The following OAF variants were observed in gnomAD, a reference collection of about 807,000 sequenced individuals.
OAF encodes the protein out at first protein homolog.
In OAF, 13 loss-of-function variants were observed where a neutral mutation model predicts 22.5. That is an observed-to-expected ratio of 0.58 (90% CI 0.38 to 0.92). OAF has a LOEUF of 0.92. Among genes scored for constraint, OAF ranks in the 40% least tolerant of loss-of-function variants. The pLI, the probability that OAF is intolerant of heterozygous loss-of-function variation, is 0.00. For synonymous variants in OAF, 175 were observed against 170.5 expected (o/e 1.03, Z -0.21); for missense variants, 347 against 381.8 (o/e 0.91, Z 0.76).
At chr11:120,215,575 G>A (rs1420738152) in intron 1 of OAF, among the ~76,000 whole-genome samples, 1 of 152,134 alleles carries the variant, frequency 6.6e-6, no homozygotes, top group Non-Finnish European at 1.5e-5. Context: ...AATTCACAGC[G>A]CGCCCTTGGT....
chr11:120,216,780 C>T (rs1938218318), intron 1 of OAF, among the ~76,000 whole-genome samples: 1 of 152,210 alleles, frequency 6.6e-6, no homozygotes, highest in Non-Finnish European at 1.5e-5. Context: ...CCCTCCCAGG[C>T]TTCCCAAGGC....
intron 2 of OAF, 141 bp from the exon 3 acceptor site, chr11:120,226,674 GA>G (rs1938360534): frequency 9.1e-6 from 6 of 659,582 alleles, no homozygotes. Flanking sequence ...GCCAGTTGGA[GA>G]GGGGTGGGGC....
At chr11:120,211,887 C>T (rs112413211) in intron 1 of OAF, among the ~76,000 whole-genome samples, 1 of 140,844 alleles carries the variant, frequency 7.1e-6, no homozygotes, top group South Asian at 2.2e-4. Context: ...CCTGTGTGAT[C>T]TAGAGCAAGC....
chr11:120,213,853 C>T (rs557727035), intron 1 of OAF: 4 of 152,292 alleles, frequency 2.6e-5, no homozygotes, highest in African/African-American at 7.2e-5. Context: ...GCAGGCTTAT[C>T]GCTTGAAACC....
chr11:120,229,320 G>T lies in OAF; in HGVS notation c.*178G>T. ...TGTGAAGGGGGTGTGGCATGGCAGG[G>T]GGTCTCATGAAGGCACCCCCATTCC... On this transcript the variant is annotated 3_prime_UTR_variant, in exon 4 of 4. Coordinates refer to ENST00000328965, the MANE Select transcript of OAF (RefSeq NM_178507.4). 1.6e-6 allele frequency: 1 copy of T among 639,344 alleles called. No individual in the cohort carries two copies. Among genetic ancestry groups the T allele is most frequent in the Non-Finnish European group, 2.7e-6 (1 of 374,082 alleles). The allele number at this position is 639,344 out of a possible 1,614,324, so 39.6% of individuals were successfully genotyped here. A position where few individuals can be genotyped will look rare whatever the true frequency, so the allele number is the denominator to read the frequency against.
At chr11:120,223,539 C>T (rs1205901086) in intron 1 of OAF, among the ~76,000 whole-genome samples, 3 of 152,314 alleles carry the variant, frequency 2.0e-5, no homozygotes, top group Middle Eastern at 3.4e-3. Context: ...TCCTGCACCC[C>T]CTGTCAGTTC....
chr11:120,216,809 T>C (rs1938218620), intron 1 of OAF, among the ~76,000 whole-genome samples: 1 of 152,164 alleles, frequency 6.6e-6, no homozygotes, highest in South Asian at 2.1e-4. Flanking sequence ...GTGGTGGAGA[T>C]AAACTTAGGA....
chr11:120,215,088 G>A (rs1173302184), intron 1 of OAF, among the ~76,000 whole-genome samples: 2 of 151,948 alleles, frequency 1.3e-5, no homozygotes, highest in African/African-American at 2.4e-5. Flanking sequence ...CCCAGGTGAT[G>A]TAATCCCAGC....
chr11:120,223,530 C>G (rs1938308784), intron 1 of OAF, among the ~76,000 whole-genome samples: 1 of 152,200 alleles, frequency 6.6e-6, no homozygotes, highest in Non-Finnish European at 1.5e-5. Context: ...TCATTCCCTT[C>G]CTGCACCCCC....
chr11:120,223,185 GTTCCAGC>G (rs1384937318), intron 1 of OAF, among the ~76,000 whole-genome samples: 9 of 152,234 alleles, frequency 5.9e-5, no homozygotes, highest in African/African-American at 1.9e-4. Context: ...GTGTGCCCGA[GTTCCAGC>G]TTCTTTAGCT....
intron 1 of OAF, among the ~76,000 whole-genome samples, chr11:120,222,459 G>A (rs1374888670): frequency 2.6e-5 from 4 of 152,164 alleles, no homozygotes; most frequent in African/African-American, 9.7e-5. Flanking sequence ...CAGAGGCTGA[G>A]GCCGGAGAAT....
Position 120,211,444 on chromosome 11 carries a change from C to A in OAF, c.165C>A (p.Asp55Glu). 6.4e-7 allele frequency: 1 copy of A among 1,564,796 alleles called. No individual in the cohort carries two copies. The highest frequency in any genetic ancestry group is 8.6e-7 in the Non-Finnish European group (1 of 1,158,322). ...EESLQADSDA[D>E]SISLELRKPD... is the part of the protein sequence containing the mutation. ...GCCTGCAGGCGGACAGCGACGCGGA[C>A]AGCATCAGCCTCGAGCTGCGCAAGC... Residue 55 changes from aspartate (D) to glutamate (E), a missense_variant, in exon 1 of 4, where the codon GAC becomes GAA. Physicochemically the swap from Asp to Glu is conservative, Grantham distance 45. Transcript: ENST00000328965.
At chr11:120,220,937 G>A (rs1452707492) in intron 1 of OAF, among the ~76,000 whole-genome samples, 1 of 152,178 alleles carries the variant, frequency 6.6e-6, no homozygotes, top group Non-Finnish European at 1.5e-5. Context: ...ATGATTGGGT[G>A]GGGGCACTGG....
At chr11:120,223,646 C>T (rs1938310859) in intron 1 of OAF, among the ~76,000 whole-genome samples, 1 of 152,212 alleles carries the variant, frequency 6.6e-6, no homozygotes, top group Admixed American at 6.5e-5. Flanking sequence ...CTAGTCTGGT[C>T]TGAAAGTTCA....
Position 120,225,809 on chromosome 11 carries a change from C to G in OAF, c.366+14C>G. The G allele has an allele frequency of 6.3e-7, 1 of 1,594,506 alleles. No individual in the cohort carries two copies. The highest frequency in any genetic ancestry group is 8.5e-7 in the Non-Finnish European group (1 of 1,171,866). The stretch of plus-strand genomic sequence containing the variant: ...AAGCTCCGGCAGGTAAGTGCCCCAC[C>G]AGGCCTGCCTGGCCCAGGTCCTGAC... On this transcript the variant is annotated intron_variant, in intron 2 of 3. Transcript: ENST00000328965.
At chr11:120,224,312 C>G (rs1159697211) in intron 1 of OAF, among the ~76,000 whole-genome samples, 1 of 152,214 alleles carries the variant, frequency 6.6e-6, no homozygotes, top group Non-Finnish European at 1.5e-5. Context: ...TTGTTGCAGA[C>G]CACCTACGAT....
chr11:120,213,431 T>C (rs1389494515), intron 1 of OAF, among the ~76,000 whole-genome samples: 1 of 152,190 alleles, frequency 6.6e-6, no homozygotes, highest in African/African-American at 2.4e-5. Flanking sequence ...GGTTAGCCTC[T>C]GACCCAGAAG....
chr11:120,229,127 T>G lies in OAF; in HGVS notation c.807T>G (p.Asp269Glu), dbSNP rs1371716800. The G allele has an allele frequency of 4.3e-6, 7 of 1,612,106 alleles. No homozygotes were observed. The highest frequency in any genetic ancestry group is 5.1e-6 in the Non-Finnish European group (6 of 1,179,122). The stretch of plus-strand genomic sequence containing the variant: ...GGCAGCTGTGTCTCTGGGATGAGGA[T>G]CCCTACCCAGGCTAGGGTGGGAGCA... ...PQRQLCLWDE[D>E]PYPG The change falls in exon 4 of 4, where the codon GAT becomes GAG. Residue 269 changes from aspartate (D) to glutamate (E), a missense_variant. Physicochemically the swap from Asp to Glu is conservative, Grantham distance 45. Coordinates refer to ENST00000328965, the MANE Select transcript of OAF (RefSeq NM_178507.4).
chr11:120,228,947 C>G lies in OAF; in HGVS notation c.627C>G (p.Asp209Glu). The change falls in exon 4 of 4, where the codon GAC becomes GAG. Residue 209 changes from aspartate (D) to glutamate (E), a missense_variant. Coordinates refer to ENST00000328965, the MANE Select transcript of OAF (RefSeq NM_178507.4). ...TGCCTCGCTGCAGGCAGGTGGGGGA[C>G]CACGGGAAGCCCTGCGTCTGCCGCT... is the stretch of plus-strand genomic sequence containing the variant. ...AELPRCRQVG[D>E]HGKPCVCRYG... 2 of 1,611,192 alleles carry G rather than the reference C, an allele frequency of 1.2e-6. No homozygotes were observed. Among genetic ancestry groups the G allele is most frequent in the Non-Finnish European group, 1.7e-6 (2 of 1,179,400 alleles).
Sources: allele counts gnomAD v4.1 joint callset (sites outside exome capture counted in the v4.1 genomes callset), GRCh38; gene constraint gnomAD v4.1.1; transcripts MANE v1.5; gene names NCBI Gene and HGNC (gene_info 2026-07-23, HGNC 2026-07-21).